Variants in TIAM1 observed in about 807,000 individuals in gnomAD.
TIAM1 encodes rho guanine nucleotide exchange factor TIAM1.
In TIAM1, 65 loss-of-function variants were observed where a neutral mutation model predicts 163.5. That is an observed-to-expected ratio of 0.40 (90% CI 0.33 to 0.49). The LOEUF is 0.49. Among genes scored for constraint, TIAM1 ranks in the 20% least tolerant of loss-of-function variants. The probability of loss-of-function intolerance (pLI) is 0.77; values close to 1 mark genes in which losing one functional copy is unlikely to be tolerated. For missense variants in TIAM1, 1,789 were observed against 2,044.7 expected (o/e 0.87, Z 2.41); for synonymous variants, 833 against 810.1 (o/e 1.03, Z -0.48).
chr21:31,202,277 C>A (rs546485627), intron 12 of TIAM1, among the ~76,000 whole-genome samples: 1 of 151,890 alleles, frequency 6.6e-6, no homozygotes, highest in Non-Finnish European at 1.5e-5. Context: ...ACTGGCCGTG[C>A]GCAGTGGCTC....
chr21:31,264,627 A>G (rs937870288), intron 4 of TIAM1, among the ~76,000 whole-genome samples: 3 of 152,206 alleles, frequency 2.0e-5, no homozygotes, highest in African/African-American at 7.2e-5. Flanking sequence ...GTCCTCAGGC[A>G]GGAACACAGA....
At chr21:31,402,598 A>T (rs2077183667) in intron 2 of TIAM1, among the ~76,000 whole-genome samples, 1 of 152,006 alleles carries the variant, frequency 6.6e-6, no homozygotes, top group Admixed American at 6.6e-5. Flanking sequence ...TTTCATCATA[A>T]CCAAAAGATC....
chr21:31,459,389 T>C (rs1232756795), intron 2 of TIAM1, among the ~76,000 whole-genome samples: 2 of 152,302 alleles, frequency 1.3e-5, no homozygotes, highest in East Asian at 3.9e-4. Context: ...GAATGGACAT[T>C]ATGCAGGCAA....
At chr21:31,140,171 T>TA (rs2082783419) in intron 22 of TIAM1, among the ~76,000 whole-genome samples, 1 of 152,206 alleles carries the variant, frequency 6.6e-6, no homozygotes. Context: ...TGAGCCTGGA[T>TA]AATGGCCTTT....
chr21:31,516,491 C>A (rs1184169562), intron 1 of TIAM1, among the ~76,000 whole-genome samples: 1 of 152,038 alleles, frequency 6.6e-6, no homozygotes, highest in African/African-American at 2.4e-5. Flanking sequence ...CAAAAGGAGT[C>A]TTCACTGGCT....
chr21:31,285,688 C>A (rs7364117), intron 2 of TIAM1, among the ~76,000 whole-genome samples: 1 of 152,108 alleles, frequency 6.6e-6, no homozygotes, highest in African/African-American at 2.4e-5. Context: ...TGGTGAAACC[C>A]TGTCTCTACT....
At chr21:31,391,294 T>C (rs2147195678) in intron 2 of TIAM1, among the ~76,000 whole-genome samples, 1 of 152,274 alleles carries the variant, frequency 6.6e-6, no homozygotes, top group Admixed American at 6.5e-5. Context: ...CCAAGGAGTC[T>C]GACAATTGTA....
chr21:31,388,738 C>T (rs2147190941), intron 2 of TIAM1, among the ~76,000 whole-genome samples: 1 of 151,986 alleles, frequency 6.6e-6, no homozygotes, highest in Non-Finnish European at 1.5e-5. Flanking sequence ...TGTTTTTATG[C>T]CTCAATTTCT....
chr21:31,166,556 A>G (rs867329949), intron 15 of TIAM1, among the ~76,000 whole-genome samples: 9 of 152,138 alleles, frequency 5.9e-5, no homozygotes, highest in Non-Finnish European at 1.0e-4. Flanking sequence ...AGCACCAACT[A>G]AGTGAGTGTA....
chr21:31,149,919 GAT>G (rs2083299199), intron 19 of TIAM1, among the ~76,000 whole-genome samples: 1 of 152,158 alleles, frequency 6.6e-6, no homozygotes, highest in Admixed American at 6.5e-5. Context: ...TAGGGTGAAA[GAT>G]ATATTATTGT....
intron 2 of TIAM1, among the ~76,000 whole-genome samples, chr21:31,369,973 T>C (rs2076568581): frequency 6.6e-6 from 1 of 152,050 alleles, no homozygotes; most frequent in African/African-American, 2.4e-5. Context: ...GTAGGACTTT[T>C]GGGAAATAAT....
At chr21:31,323,692 A>G (rs540778871) in intron 2 of TIAM1, among the ~76,000 whole-genome samples, 2 of 152,000 alleles carry the variant, frequency 1.3e-5, no homozygotes, top group East Asian at 3.9e-4. Context: ...TTAGCTGGGT[A>G]TGGTGGTGCG....
intron 2 of TIAM1, among the ~76,000 whole-genome samples, chr21:31,334,693 C>T (rs962034264): frequency 6.6e-6 from 1 of 152,188 alleles, no homozygotes; most frequent in African/African-American, 2.4e-5. Flanking sequence ...TTCCCATCCC[C>T]ATAAGCAAAC....
intron 2 of TIAM1, among the ~76,000 whole-genome samples, chr21:31,330,644 G>A (rs1233660596): frequency 6.6e-6 from 1 of 152,052 alleles, no homozygotes; most frequent in East Asian, 1.9e-4. Flanking sequence ...CACCATGTTG[G>A]CCAGGCTGGT....
intron 2 of TIAM1, among the ~76,000 whole-genome samples, chr21:31,360,738 G>T (rs1287115012): frequency 6.6e-6 from 1 of 152,132 alleles, no homozygotes; most frequent in African/African-American, 2.4e-5. Flanking sequence ...AATAAAAAAT[G>T]ACAAGTGACA....
At chr21:31,391,938 C>T (rs2076971984) in intron 2 of TIAM1, among the ~76,000 whole-genome samples, 2 of 152,196 alleles carry the variant, frequency 1.3e-5, no homozygotes, top group African/African-American at 4.8e-5. Context: ...CTTTAAGTAC[C>T]CATACGCCCA....
chr21:31,295,455 G>A (rs987265275), intron 2 of TIAM1, among the ~76,000 whole-genome samples: 1 of 128,462 alleles, frequency 7.8e-6, no homozygotes, highest in Non-Finnish European at 1.6e-5. Context: ...GGGTGACAGA[G>A]TGAGACTCCA....
Position 31,146,403 on chromosome 21 carries a change from C to CAA in TIAM1, c.3475+490_3475+491dup, listed in dbSNP as rs10542614. Among the ~76,000 whole-genome samples, 313 of 89,906 alleles carry CAA rather than the reference C, an allele frequency of 3.5e-3. 2 individuals are homozygous for CAA. The highest frequency in any genetic ancestry group is 0.016 in the East Asian group (45 of 2,820). 59.0% of individuals were successfully genotyped at this position (89,906 alleles called of 152,430 possible). The stretch of plus-strand genomic sequence containing the variant: ...CAAGTGACAGAGCAAGGCTCTGTGT[C>CAA]AAAAAAAAAAAAAAAAAAAAAACAA... On this transcript the variant is annotated intron_variant, in intron 20 of 27. Coordinates refer to ENST00000541036, the MANE Select transcript of TIAM1 (RefSeq NM_001353694.2).
chr21:31,446,621 G>C (rs570439438), intron 2 of TIAM1, among the ~76,000 whole-genome samples: 23 of 152,188 alleles, frequency 1.5e-4, no homozygotes, highest in African/African-American at 5.5e-4. Context: ...AAACAGAAAA[G>C]AAACACAAAG....
Sources: allele counts gnomAD v4.1 joint callset (sites outside exome capture counted in the v4.1 genomes callset), GRCh38; gene constraint gnomAD v4.1.1; transcripts MANE v1.5; gene names NCBI Gene and HGNC (gene_info 2026-07-23, HGNC 2026-07-21).